Variants in BACH2 observed in about 807,000 individuals in gnomAD.
BACH2 encodes transcription regulator protein BACH2.
BACH2 carries 5 observed loss-of-function variants against 61.8 expected under a neutral mutation model. The observed-to-expected ratio is 0.08, with a 90% CI of 0.04 to 0.17. The LOEUF (loss-of-function observed/expected upper bound fraction) is 0.17, where lower values mean the gene tolerates loss of function less well. Ranked by LOEUF, BACH2 falls within the 10% of genes least tolerant of loss-of-function variation. The pLI is 1.00. For missense variants in BACH2, 824 were observed against 1,091.1 expected (o/e 0.76, Z 3.45); for synonymous variants, 446 against 440.1 (o/e 1.01, Z -0.17).
intron 4 of BACH2, among the ~76,000 whole-genome samples, chr6:90,146,771 G>A (rs1784633686): frequency 6.6e-6 from 1 of 152,148 alleles, no homozygotes; most frequent in African/African-American, 2.4e-5. Context: ...TAAAAGATAG[G>A]ATAATGTTAA....
rs56768406 is a variant in BACH2, at chr6:90,034,969, T to C, written c.-12-26113A>G. Reference sequence around the variant, plus strand: ...GAATACATGCCAAAATATGCAAACATAGAAACATAACCTATAGAAAAGTTA... The same window carrying C: ...GAATACATGCCAAAATATGCAAACACAGAAACATAACCTATAGAAAAGTTA... On this transcript the variant is annotated intron_variant, in intron 5 of 8. Transcript: ENST00000257749. Among the ~76,000 whole-genome samples the C allele has an allele frequency of 7.5e-3, 1,134 of 152,162 alleles. 19 individuals carry two copies. The highest frequency in any genetic ancestry group is 0.026 in the African/African-American group (1,075 of 41,518).
Position 89,938,240 on chromosome 6 carries a change from A to G in BACH2, c.1947T>C (p.Asp649=), listed in dbSNP as rs1773148814. 6.2e-7 allele frequency: 1 copy of G among 1,614,266 alleles called. No homozygotes were observed. Among genetic ancestry groups the G allele is most frequent in the South Asian group, 1.1e-5 (1 of 91,092 alleles). The change falls in exon 8 of 9, where the codon GAT becomes GAC. Residue 649 remains aspartate (D), a synonymous_variant. Coordinates refer to ENST00000257749, the MANE Select transcript of BACH2 (RefSeq NM_021813.4). ...LTSEQLEFIH[D]VRRRSKNRIA... ...TGCGGTTCTTGCTGCGCCGTCGGAC[A>G]TCATGAATAAACTCTAACTGTTCTG...
In BACH2 at chr6:90,008,928, G is replaced by T; in HGVS notation, c.-12-72C>A. ...CACCACAGCTGTAGGATCAGAGAGA[G>T]GAGGTGAGAAAGAACATCATGGTTC... On this transcript the variant is annotated intron_variant, in intron 5 of 8. Transcript: ENST00000257749. The surrounding 1 kb of genome is among the most constrained non-coding windows in gnomAD (Gnocchi z 4.1). 1 of 1,540,384 alleles carries T rather than the reference G, an allele frequency of 6.5e-7. No individual in the cohort carries two copies. The highest frequency in any genetic ancestry group is 8.8e-7 in the Non-Finnish European group (1 of 1,141,938).
rs58667089 is a variant in BACH2, at chr6:90,084,538, G to GTT, written c.-13+4421_-13+4422dup. ...TCCTCTACAAAAATCTTTAATTCCA[G>GTT]TTTTTTTTTTTTTTTGGTATCTCAG... On this transcript the variant is annotated intron_variant, in intron 5 of 8. Transcript: ENST00000257749. Among the ~76,000 whole-genome samples, 1,330 of 138,674 alleles carry GTT rather than the reference G, an allele frequency of 9.6e-3. 10 individuals are homozygous for GTT. Among genetic ancestry groups the GTT allele is most frequent in the East Asian group, 0.019 (90 of 4,828 alleles). 91.0% of individuals were successfully genotyped at this position (138,674 alleles called of 152,430 possible). A position where few individuals can be genotyped will look rare whatever the true frequency, so the allele number is the denominator to read the frequency against.
At chr6:90,212,737 T>C (rs1476245516) in intron 3 of BACH2, among the ~76,000 whole-genome samples, 2 of 151,952 alleles carry the variant, frequency 1.3e-5, no homozygotes, top group African/African-American at 4.8e-5. Context: ...CAATAGGAAA[T>C]GGTAATAAAG....
At chr6:90,138,051 AAAACACACAC>A (rs1784336523) in intron 4 of BACH2, among the ~76,000 whole-genome samples, 2 of 93,654 alleles carry the variant, frequency 2.1e-5, no homozygotes, top group African/African-American at 7.0e-5. Context: ...TTCTAATCAT[AAAACACACAC>A]ACACACACAC....
rs9451344 is a variant in BACH2 at position 90,079,185 on chromosome 6, T to G, written c.-13+9776A>C. 6.6e-3 allele frequency among the ~76,000 whole-genome samples: 1,005 copies of G among 152,326 alleles called. 14 individuals carry two copies. The highest frequency in any genetic ancestry group is 0.022 in the African/African-American group (933 of 41,578). On this transcript the variant is annotated intron_variant, in intron 5 of 8. Coordinates refer to ENST00000257749, the MANE Select transcript of BACH2 (RefSeq NM_021813.4). ...GGTTGCATTCGACTCAGCAGCCAGATGCAGGGGAGTTTTTACTTGGTTAAC... is the reference window on the plus strand; with the variant it reads ...GGTTGCATTCGACTCAGCAGCCAGAGGCAGGGGAGTTTTTACTTGGTTAAC...
intron 6 of BACH2, among the ~76,000 whole-genome samples, chr6:89,954,851 A>G (rs887007943): frequency 6.6e-6 from 1 of 152,224 alleles, no homozygotes; most frequent in African/African-American, 2.4e-5. Flanking sequence ...TGAAAGAGTC[A>G]TAGATAAAAA....
chr6:90,070,335 G>C (rs75487886), intron 5 of BACH2, among the ~76,000 whole-genome samples: 1 of 152,162 alleles, frequency 6.6e-6, no homozygotes, highest in Non-Finnish European at 1.5e-5. Context: ...CAAGAGACCA[G>C]GAAGCACATG....
At chr6:90,018,203 C>T (rs746703832) in intron 5 of BACH2, among the ~76,000 whole-genome samples, 2 of 152,194 alleles carry the variant, frequency 1.3e-5, no homozygotes, top group African/African-American at 4.8e-5. Flanking sequence ...TTCTTACCTG[C>T]ATCTGCTGAT....
chr6:89,943,680 A>G (rs1773570226), intron 7 of BACH2, among the ~76,000 whole-genome samples: 1 of 152,218 alleles, frequency 6.6e-6, no homozygotes, highest in Admixed American at 6.5e-5. Context: ...AGTTTACTGG[A>G]AAAGCAGGAA....
At chr6:90,243,625 A>C (rs1770530769) in intron 3 of BACH2, among the ~76,000 whole-genome samples, 1 of 152,188 alleles carries the variant, frequency 6.6e-6, no homozygotes, top group Non-Finnish European at 1.5e-5. Context: ...CTAATATTAC[A>C]GAGTAATTAC....
intron 4 of BACH2, among the ~76,000 whole-genome samples, chr6:90,108,905 A>C (rs1362019472): frequency 6.6e-6 from 1 of 152,032 alleles, no homozygotes; most frequent in Non-Finnish European, 1.5e-5. Context: ...ATCAATCACT[A>C]TTCTTGAGCT....
chr6:90,087,166 T>C (rs1019146512), intron 5 of BACH2, among the ~76,000 whole-genome samples: 2 of 152,210 alleles, frequency 1.3e-5, no homozygotes, highest in African/African-American at 4.8e-5. Flanking sequence ...ATATGTTCTT[T>C]CTTTGCTTGG....
intron 2 of BACH2, among the ~76,000 whole-genome samples, chr6:90,255,668 C>T (rs528026788): frequency 4.6e-5 from 7 of 152,306 alleles, no homozygotes; most frequent in Admixed American, 1.3e-4. Context: ...GCATTGCATA[C>T]CACCAGAAGA....
At chr6:90,284,348 T>C (rs1771952111) in intron 1 of BACH2, among the ~76,000 whole-genome samples, 1 of 152,242 alleles carries the variant, frequency 6.6e-6, no homozygotes, top group Admixed American at 6.5e-5. Context: ...CTGAGCTAGC[T>C]GCTCCACTCT....
At chr6:89,958,217 G>A (rs909083573) in intron 6 of BACH2, among the ~76,000 whole-genome samples, 6 of 152,198 alleles carry the variant, frequency 3.9e-5, no homozygotes, top group African/African-American at 1.4e-4. Flanking sequence ...CTGGGCTCAA[G>A]CCATTTTCCT....
At chr6:90,079,436 C>T (rs558180995) in intron 5 of BACH2, among the ~76,000 whole-genome samples, 1 of 152,118 alleles carries the variant, frequency 6.6e-6, no homozygotes, top group Non-Finnish European at 1.5e-5. Flanking sequence ...TAAGGCAATT[C>T]CTTTTTAAAA....
chr6:89,961,827 A>C (rs1435946309), intron 6 of BACH2, among the ~76,000 whole-genome samples: 1 of 152,192 alleles, frequency 6.6e-6, no homozygotes, highest in East Asian at 1.9e-4. Flanking sequence ...CAGAGGACAC[A>C]CTATCACCTC....
Sources: gnomAD v4.1 joint callset for allele counts (sites outside exome capture counted in the v4.1 genomes callset) on GRCh38, gnomAD v4.1.1 for gene constraint, Gnocchi (gnomAD v3.1) non-coding constraint, MANE v1.5 for transcripts, NCBI Gene and HGNC (gene_info 2026-07-23, HGNC 2026-07-21) for gene names.